STX8: variants seen among roughly 807,000 people sequenced by gnomAD.
STX8 encodes syntaxin 8.
A neutral mutation model predicts 37.5 loss-of-function variants in STX8; 23 were observed. The ratio of observed to expected loss-of-function variants is 0.61; its 90% CI spans 0.44 to 0.87. STX8 has a LOEUF of 0.87. STX8 is among the 40% of genes least tolerant of loss of function. The pLI, the probability that STX8 is intolerant of heterozygous loss-of-function variation, is 0.00. For synonymous variants in STX8, 115 were observed against 99.1 expected (o/e 1.16, Z -0.95); for missense variants, 313 against 284.7 (o/e 1.10, Z -0.71).
intron 5 of STX8, among the ~76,000 whole-genome samples, chr17:9,498,514 A>G (rs1273100221): frequency 6.6e-6 from 1 of 152,216 alleles, no homozygotes; most frequent in African/African-American, 2.4e-5. Context: ...ATTTTAGGAA[A>G]GGAATCCTTC....
intron 7 of STX8, among the ~76,000 whole-genome samples, chr17:9,287,473 G>C (rs1908121049): frequency 6.6e-6 from 1 of 152,184 alleles, no homozygotes; most frequent in Admixed American, 6.5e-5. Flanking sequence ...GCTGGAAATA[G>C]GGAGATGAAA....
chr17:9,361,150 G>A (rs1004315811), intron 7 of STX8, among the ~76,000 whole-genome samples: 4 of 152,052 alleles, frequency 2.6e-5, no homozygotes, highest in East Asian at 1.9e-4. Context: ...AATAAATACC[G>A]AGTCATTGGT....
At chr17:9,372,826 A>G (rs1409184998) in intron 7 of STX8, among the ~76,000 whole-genome samples, 4 of 140,986 alleles carry the variant, frequency 2.8e-5, no homozygotes, top group East Asian at 2.4e-4. Flanking sequence ...AAAGTGGGCC[A>G]GGCGCGGTGG....
chr17:9,501,678 CA>C (rs1904616185), intron 5 of STX8, among the ~76,000 whole-genome samples: 1 of 147,324 alleles, frequency 6.8e-6, no homozygotes, highest in South Asian at 2.2e-4. Flanking sequence ...GCAACAGTCT[CA>C]AAAAAATAAA....
At position 9,506,407 on chromosome 17, in the gene STX8, T is replaced by TCCCCCCCCCCCCCCCC. The variant is rs57490676; in HGVS notation, c.324-1246_324-1245insGGGGGGGGGGGGGGGG. Reference sequence around the variant, plus strand: ...TTAGAGTCAGCTGGTGCTCACCCGCTCCCCCCCCCCCCCACCCACCTTTCT... The same window carrying TCCCCCCCCCCCCCCCC: ...TTAGAGTCAGCTGGTGCTCACCCGCTCCCCCCCCCCCCCCCCCCCCCCCCCCCCCACCCACCTTTCT... On this transcript the variant is annotated intron_variant, in intron 4 of 7. Coordinates refer to ENST00000306357, the MANE Select transcript of STX8 (RefSeq NM_004853.3). Among the ~76,000 whole-genome samples, 23 of 39,354 alleles carry TCCCCCCCCCCCCCCCC rather than the reference T, an allele frequency of 5.8e-4. 4 individuals carry two copies. Among genetic ancestry groups the TCCCCCCCCCCCCCCCC allele is most frequent in the Admixed American group, 1.3e-3 (3 of 2,306 alleles). 25.8% of individuals were successfully genotyped at this position (39,354 alleles called of 152,430 possible).
intron 7 of STX8, among the ~76,000 whole-genome samples, chr17:9,294,054 T>C (rs1319592730): frequency 6.6e-6 from 1 of 152,168 alleles, no homozygotes; most frequent in Non-Finnish European, 1.5e-5. Flanking sequence ...CGTGAGCCAC[T>C]GCCCCTGGCC....
At chr17:9,466,677 T>C (rs1387964819) in intron 6 of STX8, among the ~76,000 whole-genome samples, 3 of 152,136 alleles carry the variant, frequency 2.0e-5, no homozygotes, top group African/African-American at 4.8e-5. Context: ...AAAAGTGACA[T>C]AGGCCTGTGT....
At chr17:9,313,586 T>G (rs1909270224) in intron 7 of STX8, among the ~76,000 whole-genome samples, 1 of 152,232 alleles carries the variant, frequency 6.6e-6, no homozygotes, top group South Asian at 2.1e-4. Context: ...TCACAAGATC[T>G]GATCCCCTGT....
At chr17:9,261,094 C>G (rs1022289527) in intron 7 of STX8, among the ~76,000 whole-genome samples, 1 of 152,188 alleles carries the variant, frequency 6.6e-6, no homozygotes, top group African/African-American at 2.4e-5. Flanking sequence ...GGGCAGAGAG[C>G]TGGACGGCAG....
chr17:9,374,770 A>G (rs1347631313), intron 7 of STX8, among the ~76,000 whole-genome samples: 1 of 152,166 alleles, frequency 6.6e-6, no homozygotes, highest in Non-Finnish European at 1.5e-5. Context: ...ATTTCCATTA[A>G]AAGAATAAAG....
chr17:9,483,383 C>A (rs554875633), intron 6 of STX8, among the ~76,000 whole-genome samples: 2 of 152,176 alleles, frequency 1.3e-5, no homozygotes, highest in Non-Finnish European at 2.9e-5. Context: ...CGTTTGGGAT[C>A]GCACTTAGGG....
At chr17:9,441,929 C>G (rs866206923) in intron 6 of STX8, among the ~76,000 whole-genome samples, 12 of 152,000 alleles carry the variant, frequency 7.9e-5, no homozygotes, top group Admixed American at 4.6e-4. Context: ...CCCACCTCGG[C>G]CTCCCAAAGT....
chr17:9,575,472 C>G (rs190026261), intron 1 of STX8, among the ~76,000 whole-genome samples: 137 of 152,282 alleles, frequency 9.0e-4, no homozygotes, highest in African/African-American at 3.0e-3. Context: ...GAAGCCTGCA[C>G]CAGCCAGCTA....
chr17:9,385,116 G>A (rs1911950208), intron 6 of STX8, among the ~76,000 whole-genome samples: 1 of 152,054 alleles, frequency 6.6e-6, no homozygotes, highest in Admixed American at 6.6e-5. Flanking sequence ...AAAGAGATTG[G>A]TCAATCTGAT....
chr17:9,293,539 G>A (rs975686258), intron 7 of STX8, among the ~76,000 whole-genome samples: 1 of 151,848 alleles, frequency 6.6e-6, no homozygotes, highest in African/African-American at 2.4e-5. Flanking sequence ...TCAAAGACCT[G>A]ATTAAGGTCC....
chr17:9,491,743 T>C lies in STX8; in HGVS notation c.541+86A>G. The C allele has an allele frequency of 6.1e-6, 7 of 1,155,124 alleles. No individual in the cohort carries two copies. In the South Asian group the frequency reaches 9.8e-5, roughly 16 times the overall value. 71.6% of individuals were successfully genotyped at this position (1,155,124 alleles called of 1,614,324 possible). Reference sequence around the variant, plus strand: ...TGACATTAAACCACTTTACATGTTGTATAATCTTAAACTCATTCAACAAAT... The same window carrying C: ...TGACATTAAACCACTTTACATGTTGCATAATCTTAAACTCATTCAACAAAT... On this transcript the variant is annotated intron_variant, in intron 6 of 7. Transcript: ENST00000306357.
chr17:9,551,458 C>A (rs1302592201), intron 3 of STX8, among the ~76,000 whole-genome samples: 2 of 152,114 alleles, frequency 1.3e-5, no homozygotes, highest in African/African-American at 4.8e-5. Context: ...TCAATAGCAG[C>A]TAATCCTCAA....
intron 7 of STX8, among the ~76,000 whole-genome samples, chr17:9,293,662 T>A (rs7217061): frequency 0.29 from 44,023 of 152,014 alleles, 7,339 homozygotes; most frequent in African/African-American, 0.45. Context: ...AATACGACAC[T>A]TTGTACTTTG....
chr17:9,491,865 C>T lies in STX8; in HGVS notation c.505G>A (p.Gly169Arg). ...TCCAATTCATTCCCAATTTCCTGCC[C>T]CATTTGTTTTTGGCGACTTATGATA... Reference protein sequence around the residue: ...SSIISRQKQMGQEIGNELDEQ... With the variant: ...SSIISRQKQMRQEIGNELDEQ... Residue 169 changes from glycine to arginine, a missense_variant, in exon 6 of 8, where the codon GGG becomes AGG. By Grantham distance (125) the Gly-to-Arg change is moderately radical. Transcript: ENST00000306357. 6.2e-7 allele frequency: 1 copy of T among 1,613,936 alleles called. No homozygotes were observed. The highest frequency in any genetic ancestry group is 8.5e-7 in the Non-Finnish European group (1 of 1,179,964).
Sources: gnomAD v4.1 joint callset for allele counts (sites outside exome capture counted in the v4.1 genomes callset) on GRCh38, gnomAD v4.1.1 for gene constraint, MANE v1.5 for transcripts, NCBI Gene and HGNC (gene_info 2026-07-23, HGNC 2026-07-21) for gene names.